The following ZFP64 variants were observed in gnomAD, a reference collection of about 807,000 sequenced individuals.
The protein encoded by ZFP64 is zinc finger protein 64.
Under a neutral mutation model 51.6 loss-of-function variants are expected in ZFP64, and 14 were observed. That is an observed-to-expected ratio of 0.27 (90% CI 0.18 to 0.42). The LOEUF (loss-of-function observed/expected upper bound fraction) is 0.42, where lower values mean the gene tolerates loss of function less well. Among genes scored for constraint, ZFP64 ranks in the 10% least tolerant of loss-of-function variants. The pLI is 1.00. For missense variants in ZFP64, 754 were observed against 906.8 expected (o/e 0.83, Z 2.16); for synonymous variants, 375 against 361.4 (o/e 1.04, Z -0.43).
chr20:52,095,667 A>C (rs186667756), intron 7 of ZFP64, among the ~76,000 whole-genome samples: 1 of 152,292 alleles, frequency 6.6e-6, no homozygotes, highest in East Asian at 1.9e-4. Context: ...CTGACTCAAG[A>C]ACAAGGCCTT....
exon 9 of ZFP64, chr20:52,084,535 C>G (rs2078842895): frequency 6.3e-7 from 1 of 1,597,680 alleles, no homozygotes; most frequent in African/African-American, 1.3e-5. Context: ...GTTCCGACAG[C>G]TGACCACCCT....
At chr20:52,129,557 T>C (rs2081312988) in intron 5 of ZFP64, among the ~76,000 whole-genome samples, 1 of 152,188 alleles carries the variant, frequency 6.6e-6, no homozygotes, top group African/African-American at 2.4e-5. Flanking sequence ...CAGTGCACCT[T>C]AGAATGCTCA....
At chr20:52,088,987 G>C (rs1200256285) in intron 7 of ZFP64, 1 of 532,636 alleles carries the variant, frequency 1.9e-6, no homozygotes, top group Non-Finnish European at 3.7e-6. Context: ...CATGGAGAAT[G>C]GTCAGGTGGA....
chr20:52,099,429 T>G (rs907030913), intron 5 of ZFP64, among the ~76,000 whole-genome samples: 1 of 152,112 alleles, frequency 6.6e-6, no homozygotes, highest in African/African-American at 2.4e-5. Flanking sequence ...AAACAGTTGT[T>G]TCAACAAATA....
intron 5 of ZFP64, among the ~76,000 whole-genome samples, chr20:52,105,856 A>T (rs1600712473): frequency 6.6e-6 from 1 of 151,972 alleles, no homozygotes; most frequent in Non-Finnish European, 1.5e-5. Context: ...TTTTTTAAAA[A>T]AGCCGTCTCC....
At chr20:52,138,655 A>T (rs1037793403) in intron 5 of ZFP64, among the ~76,000 whole-genome samples, 8 of 62,168 alleles carry the variant, frequency 1.3e-4, no homozygotes, top group Non-Finnish European at 3.5e-4. Context: ...AAATATAATA[A>T]AAAAAAAAGC....
intron 2 of ZFP64, among the ~76,000 whole-genome samples, chr20:52,173,864 C>G (rs1391071492): frequency 6.6e-6 from 1 of 151,944 alleles, no homozygotes; most frequent in Non-Finnish European, 1.5e-5. Flanking sequence ...TGGTCAGGCT[C>G]ATCTTGAACT....
chr20:52,178,900 C>T (rs1193243696), intron 2 of ZFP64, among the ~76,000 whole-genome samples: 1 of 152,158 alleles, frequency 6.6e-6, no homozygotes, highest in African/African-American at 2.4e-5. Context: ...AAATCCTCCT[C>T]CCCTCCCCGA....
At chr20:52,148,028 A>G (rs1236010949), downstream of ZFP64, among the ~76,000 whole-genome samples, 3 of 152,238 alleles carry the variant, frequency 2.0e-5, no homozygotes, top group Non-Finnish European at 2.9e-5. Flanking sequence ...TTCATATAAA[A>G]TACTGATGCA....
In ZFP64 at chr20:52,111,146, C is replaced by G. The variant is rs1978549016; in HGVS notation, c.764-12559G>C. ...GCGGCAGCCACATCGCCGGGTTCCG[C>G]GACGGGGAGGTGGGGAAGCCGTAGT... On this transcript the variant is annotated intron_variant, in intron 5 of 8. Coordinates refer to the ZFP64 transcript ENST00000361387. The G allele has an allele frequency of 4.3e-6, 3 of 697,738 alleles. No individual in the cohort carries two copies. In the Admixed American group the frequency reaches 6.4e-5, roughly 15 times the overall value. 43.2% of individuals were successfully genotyped at this position (697,738 alleles called of 1,614,324 possible).
In ZFP64 at chr20:52,191,521, G is replaced by T. The variant is rs1984370061; in HGVS notation, c.46+70C>A. On this transcript the variant is annotated intron_variant, in intron 1 of 5. Coordinates refer to ENST00000216923, the MANE Select transcript of ZFP64 (RefSeq NM_018197.3). This position sits in a 1 kb window ranked among gnomAD's most constrained non-coding sequence, Gnocchi z 4.3. ...CGGGCCTGCTGGCTGCGTCGCAGAC[G>T]TGCTTGGGCCCGGGCCCCGGAGCGC... 4 of 1,463,912 alleles carry T rather than the reference G, an allele frequency of 2.7e-6. No individual in the cohort carries two copies. Among genetic ancestry groups the T allele is most frequent in the South Asian group, 2.6e-5 (2 of 75,658 alleles). The allele number at this position is 1,463,912 out of a possible 1,614,324, so 90.7% of individuals were successfully genotyped here.
intron 5 of ZFP64, chr20:52,105,730 T>TGAGCTCCTGTATTTCTAAC (rs1375859211): frequency 6.6e-6 from 1 of 152,094 alleles, no homozygotes; most frequent in Non-Finnish European, 1.5e-5. Flanking sequence ...GGGTGGGGCC[T>TGAGCTCCTGTATTTCTAAC]GAGCTCCTGT....
At chr20:52,181,028 C>T (rs1356808558) in intron 2 of ZFP64, among the ~76,000 whole-genome samples, 1 of 152,188 alleles carries the variant, frequency 6.6e-6, no homozygotes, top group African/African-American at 2.4e-5. Flanking sequence ...CTGCAACCTC[C>T]ACCTCCCAGG....
intron 5 of ZFP64, among the ~76,000 whole-genome samples, chr20:52,114,650 T>G (rs1978767742): frequency 6.6e-6 from 1 of 152,226 alleles, no homozygotes; most frequent in African/African-American, 2.4e-5. Flanking sequence ...AATGCATTGC[T>G]AGTGAGAGCA....
intron 1 of ZFP64, among the ~76,000 whole-genome samples, chr20:52,188,671 G>C (rs76012667): frequency 0.13 from 20,116 of 151,662 alleles, 2,055 homozygotes; most frequent in African/African-American, 0.28. Flanking sequence ...TTAATACCTG[G>C]AAAGCACTTA....
At chr20:52,169,874 A>G (rs973163687) in intron 2 of ZFP64, among the ~76,000 whole-genome samples, 34 of 150,934 alleles carry the variant, frequency 2.3e-4, no homozygotes, top group Non-Finnish European at 3.4e-4. Flanking sequence ...ACTAACATGA[A>G]GAAACCCCAT....
At chr20:52,091,459 A>G (rs1354680999) in intron 7 of ZFP64, among the ~76,000 whole-genome samples, 1 of 152,266 alleles carries the variant, frequency 6.6e-6, no homozygotes, top group East Asian at 1.9e-4. Context: ...TAAAAAAAGT[A>G]GGAATATCAA....
At chr20:52,120,037 A>G (rs6021711) in intron 5 of ZFP64, among the ~76,000 whole-genome samples, 63,757 of 152,006 alleles carry the variant, frequency 0.42, 14,454 homozygotes, top group Admixed American at 0.5. Flanking sequence ...AGGTGTTTGG[A>G]TCATGGAGCT....
chr20:52,165,612 C>T lies in ZFP64; in HGVS notation c.448+252G>A, dbSNP rs544630467. On this transcript the variant is annotated intron_variant, in intron 3 of 5. Coordinates refer to ENST00000216923, the MANE Select transcript of ZFP64 (RefSeq NM_018197.3). Reference sequence around the variant, plus strand: ...TATAGCATAGGAAAAAAATTTATAGCAACCTGAAATTTTCACGAGTTCCAC... The same window carrying T: ...TATAGCATAGGAAAAAAATTTATAGTAACCTGAAATTTTCACGAGTTCCAC... 5.6e-4 allele frequency: 367 copies of T among 661,120 alleles called. 3 individuals are homozygous for T. The highest frequency in any genetic ancestry group is 3.6e-3 in the South Asian group (236 of 64,948). 41.0% of individuals were successfully genotyped at this position (661,120 alleles called of 1,614,324 possible).
Sources: gnomAD v4.1 joint callset for allele counts (sites outside exome capture counted in the v4.1 genomes callset) on GRCh38, gnomAD v4.1.1 for gene constraint, Gnocchi (gnomAD v3.1) non-coding constraint, MANE v1.5 for transcripts, NCBI Gene and HGNC (gene_info 2026-07-23, HGNC 2026-07-21) for gene names.